ENTREP2: variants seen among roughly 807,000 people sequenced by gnomAD.
ENTREP2 encodes endosomal transmembrane epsin interactor 2.
chr15:29,432,964 C>T, the ENTREP2 span, among the ~76,000 whole-genome samples: 44,979 of 152,146 alleles, frequency 0.3, 6,957 homozygotes, highest in Middle Eastern at 0.4. Flanking sequence ...GCACGCCCAC[C>T]TCCATCTGCA....
the ENTREP2 span, among the ~76,000 whole-genome samples, chr15:29,475,031 T>C: frequency 7.2e-5 from 11 of 152,154 alleles, no homozygotes; most frequent in African/African-American, 1.7e-4. Flanking sequence ...GTGCCCTACA[T>C]TGTATGATCC....
chr15:29,179,546 T>A, the ENTREP2 span, among the ~76,000 whole-genome samples: 2 of 151,656 alleles, frequency 1.3e-5, no homozygotes, highest in Non-Finnish European at 1.5e-5. Flanking sequence ...CTGCGTGGTG[T>A]TCCACAGTAA....
chr15:29,488,065 TAACA>T, the ENTREP2 span, among the ~76,000 whole-genome samples: 2 of 152,092 alleles, frequency 1.3e-5, no homozygotes, highest in African/African-American at 4.8e-5. Context: ...CATAAGAAAT[TAACA>T]AACATTGTCC....
the ENTREP2 span, among the ~76,000 whole-genome samples, chr15:29,392,213 C>T: frequency 1.3e-5 from 2 of 152,072 alleles, no homozygotes; most frequent in South Asian, 2.1e-4. Context: ...CCACCCGCCT[C>T]GGCCTCCCAA....
the ENTREP2 span, among the ~76,000 whole-genome samples, chr15:29,571,089 G>T: frequency 6.7e-6 from 1 of 150,214 alleles, no homozygotes; most frequent in Non-Finnish European, 1.5e-5. Context: ...CCCCGCCGCC[G>T]TGCGCTGGGC....
chr15:29,335,408 T>TA, the ENTREP2 span, among the ~76,000 whole-genome samples: 1 of 152,324 alleles, frequency 6.6e-6, no homozygotes, highest in East Asian at 1.9e-4. Context: ...GTACAACACG[T>TA]ACCCCAAGTT....
the ENTREP2 span, among the ~76,000 whole-genome samples, chr15:29,501,404 AGCATAAACCCACATG>A: frequency 6.6e-6 from 1 of 152,070 alleles, no homozygotes; most frequent in Non-Finnish European, 1.5e-5. Flanking sequence ...AAAGCATATT[AGCATAAACCCACATG>A]ATCATCTCAA....
the ENTREP2 span, among the ~76,000 whole-genome samples, chr15:29,477,722 A>G: frequency 6.6e-6 from 1 of 151,980 alleles, no homozygotes; most frequent in Non-Finnish European, 1.5e-5. Context: ...AGATCTCTAT[A>G]CAGACCATGC....
the ENTREP2 span, among the ~76,000 whole-genome samples, chr15:29,222,523 T>G: frequency 6.6e-6 from 1 of 152,152 alleles, no homozygotes; most frequent in East Asian, 1.9e-4. Context: ...TGGGACCCCT[T>G]TTCGGTAACA....
At chr15:29,160,187 G>GC in the ENTREP2 span, among the ~76,000 whole-genome samples, 1 of 152,222 alleles carries the variant, frequency 6.6e-6, no homozygotes, top group African/African-American at 2.4e-5. Context: ...GGGCCGCGGA[G>GC]CCCACGCCCA....
At chr15:29,145,588 A>C in the ENTREP2 span, among the ~76,000 whole-genome samples, 1 of 130,868 alleles carries the variant, frequency 7.6e-6, no homozygotes, top group African/African-American at 2.9e-5. Flanking sequence ...ATACCACTGC[A>C]CTCCAGCCTG....
the ENTREP2 span, among the ~76,000 whole-genome samples, chr15:29,254,787 G>A: frequency 6.6e-6 from 1 of 152,124 alleles, no homozygotes; most frequent in East Asian, 1.9e-4. Context: ...AACCCAGGAG[G>A]TGGAGGTTGC....
At chr15:29,340,138 C>A in the ENTREP2 span, among the ~76,000 whole-genome samples, 2 of 152,192 alleles carry the variant, frequency 1.3e-5, no homozygotes, top group Non-Finnish European at 2.9e-5. Flanking sequence ...TAGATGCAAC[C>A]ATGGTAACCA....
chr15:29,266,208 A>G, the ENTREP2 span: 1 of 152,252 alleles, frequency 6.6e-6, no homozygotes, highest in Admixed American at 6.5e-5. Flanking sequence ...CATTACTAGT[A>G]AGCAACAGGT....
At chr15:29,424,251 T>C in the ENTREP2 span, among the ~76,000 whole-genome samples, 1 of 152,160 alleles carries the variant, frequency 6.6e-6, no homozygotes, top group Non-Finnish European at 1.5e-5. Context: ...GTGGACCCCA[T>C]GGGGCTCCCA....
chr15:29,160,173 T>C, the ENTREP2 span, among the ~76,000 whole-genome samples: 3 of 152,290 alleles, frequency 2.0e-5, no homozygotes, highest in Admixed American at 1.3e-4. Context: ...CCACTCCCAG[T>C]GCGGGGCCGC....
the ENTREP2 span, among the ~76,000 whole-genome samples, chr15:29,408,890 C>T: frequency 5.3e-5 from 8 of 152,150 alleles, no homozygotes; most frequent in African/African-American, 1.9e-4. Context: ...AAATTACAAA[C>T]CATGACATTT....
the ENTREP2 span, among the ~76,000 whole-genome samples, chr15:29,555,248 G>A: frequency 8.5e-5 from 13 of 152,054 alleles, no homozygotes; most frequent in East Asian, 7.7e-4. Context: ...GTACCTCTCC[G>A]TAGCACCTGA....
At chr15:29,413,270 C>G in the ENTREP2 span, among the ~76,000 whole-genome samples, 16 of 152,168 alleles carry the variant, frequency 1.1e-4, 1 homozygote, top group Admixed American at 9.8e-4. Flanking sequence ...GTAAATTATA[C>G]CTGGTTGTGT....
Sources: gnomAD v4.1 joint callset for allele counts (sites outside exome capture counted in the v4.1 genomes callset) on GRCh38, gnomAD v4.1.1 for gene constraint, MANE v1.5 for transcripts, NCBI Gene and HGNC (gene_info 2026-07-23, HGNC 2026-07-21) for gene names.